Variants in TBC1D13 observed in about 807,000 individuals in gnomAD.
The protein encoded by TBC1D13 is epididymis secretory sperm binding protein.
In TBC1D13, 40 loss-of-function variants were observed where a neutral mutation model predicts 53.6. The observed-to-expected ratio is 0.75, with a 90% CI of 0.58 to 0.97. The LOEUF is 0.97. Among genes scored for constraint, TBC1D13 ranks in the 50% least tolerant of loss-of-function variants. TBC1D13 has a pLI of 0.00. For synonymous variants in TBC1D13, 182 were observed against 197.7 expected, an observed-to-expected ratio of 0.92 and a Z score of 0.67; for missense variants, 377 against 499.4, an observed-to-expected ratio of 0.75 and a Z score of 2.34.
At chr9:128,789,855 C>A in intron 2 of TBC1D13, 1 of 140,666 alleles carries the variant, frequency 7.1e-6, no homozygotes, top group African/African-American at 2.7e-5. Flanking sequence ...AGTCACAGAG[C>A]CATTATTGCT....
chr9:128,807,195 T>C (rs1400840520), intron 11 of TBC1D13, among the ~76,000 whole-genome samples: 2 of 151,692 alleles, frequency 1.3e-5, no homozygotes, highest in East Asian at 4.0e-4. Context: ...CAAGTGATTC[T>C]CCTGCCTTAG....
chr9:128,788,723 T>TGGG (rs3216030), intron 2 of TBC1D13, among the ~76,000 whole-genome samples: 145,320 of 152,104 alleles, frequency 0.96, 69,433 homozygotes, highest in Non-Finnish European at 0.96. Flanking sequence ...GAATGAGAGT[T>TGGG]GGGACCTTTT....
At position 128,790,535 on chromosome 9, in the gene TBC1D13, C is replaced by T. The variant is rs575130704; in HGVS notation, c.98-200C>T. Among the ~76,000 whole-genome samples the T allele has an allele frequency of 9.2e-5, 14 of 152,326 alleles. No homozygotes were observed. The East Asian group carries it at 2.5e-3, about 27-fold the overall frequency. On this transcript the variant is annotated intron_variant, in intron 2 of 11. Transcript: ENST00000372648. ...GCTGCAGTGAGCCGAGATTGCGCCA[C>T]TTCACTCCAGCCTAGGTGTTAGAGG... is the stretch of plus-strand genomic sequence containing the variant.
rs961602023 is a variant in TBC1D13 at position 128,808,062 on chromosome 9, C to T, written c.*183C>T. On this transcript the variant is annotated 3_prime_UTR_variant, in exon 12 of 12. Coordinates refer to ENST00000372648, the MANE Select transcript of TBC1D13 (RefSeq NM_018201.5). The stretch of plus-strand genomic sequence containing the variant: ...TCCTTCTGCCGCCACGCCCAGCTCC[C>T]CACCTGCCCTGCACTCTGCCCTCTT... 9 of 625,840 alleles carry T rather than the reference C, an allele frequency of 1.4e-5. No individual in the cohort carries two copies. The highest frequency in any genetic ancestry group is 1.3e-4 in the African/African-American group (7 of 55,220). 38.8% of individuals were successfully genotyped at this position (625,840 alleles called of 1,614,324 possible). A position where few individuals can be genotyped will look rare whatever the true frequency, so the allele number is the denominator to read the frequency against.
chr9:128,792,278 A>C (rs1165590471), intron 5 of TBC1D13, among the ~76,000 whole-genome samples: 4 of 152,232 alleles, frequency 2.6e-5, no homozygotes, highest in Non-Finnish European at 4.4e-5. Context: ...GCTGGTCCCC[A>C]GGCTGGGCTC....
rs1295543417 is a variant in TBC1D13 at position 128,792,509 on chromosome 9, T to C, written c.318T>C (p.Pro106=). 6 of 1,613,922 alleles carry C rather than the reference T, an allele frequency of 3.7e-6. No individual in the cohort carries two copies. In the African/African-American group the frequency reaches 5.3e-5, roughly 14 times the overall value. Residue 106 remains proline, a synonymous_variant, in exon 6 of 12, where the codon CCT becomes CCC. Transcript: ENST00000372648. Reference sequence around the variant, plus strand: ...CCCCACAGCCACTCAACCCCAACCCTGACAGCCGGTGGAACACGTACTTCA... The same window carrying C: ...CCCCACAGCCACTCAACCCCAACCCCGACAGCCGGTGGAACACGTACTTCA... The part of the protein sequence containing the change: ...TFEDHPLNPN[P]DSRWNTYFKD...
In TBC1D13 at chr9:128,808,006, C is replaced by A; in HGVS notation, c.*127C>A. On this transcript the variant is annotated 3_prime_UTR_variant, in exon 12 of 12. Transcript: ENST00000372648. ...CCACAGGATCGGCCCGAGACCCAGG[C>A]CATGCCCACTGGGGACACACTGTGC... 2 of 845,534 alleles carry A rather than the reference C, an allele frequency of 2.4e-6. No homozygotes were observed. Among genetic ancestry groups the A allele is most frequent in the Non-Finnish European group, 3.9e-6 (2 of 514,298 alleles). 52.4% of individuals were successfully genotyped at this position (845,534 alleles called of 1,614,324 possible).
chr9:128,795,437 CTTTTTTTTTTTTTTTTTTTTT>C lies in TBC1D13; in HGVS notation c.384-1597_384-1577del, dbSNP rs539392878. 1.2e-4 allele frequency among the ~76,000 whole-genome samples: 7 copies of C among 57,824 alleles called. No homozygotes were observed. The East Asian group carries it at 2.3e-3, about 19-fold the overall frequency. The allele number at this position is 57,824 out of a possible 152,430, so 37.9% of individuals were successfully genotyped here. A position where few individuals can be genotyped will look rare whatever the true frequency, so the allele number is the denominator to read the frequency against. ...CCGTGTTAGCTAGGATGGTCACCATCTTTTTTTTTTTTTTTTTTTTTTTTTTTTTTTTTTTTTTTTTGGGAA... is the reference window on the plus strand; with the variant it reads ...CCGTGTTAGCTAGGATGGTCACCATCTTTTTTTTTTTTTTTTTTTTGGGAA... On this transcript the variant is annotated intron_variant, in intron 6 of 11. Coordinates refer to ENST00000372648, the MANE Select transcript of TBC1D13 (RefSeq NM_018201.5).
chr9:128,788,924 G>A (rs1829478694), intron 2 of TBC1D13, among the ~76,000 whole-genome samples: 1 of 152,152 alleles, frequency 6.6e-6, no homozygotes, highest in Non-Finnish European at 1.5e-5. Flanking sequence ...GTTAGACTTT[G>A]CCCCAATGAG....
chr9:128,801,770 T>TC (rs1829739108), intron 7 of TBC1D13, among the ~76,000 whole-genome samples: 1 of 150,588 alleles, frequency 6.6e-6, no homozygotes, highest in African/African-American at 2.5e-5. Context: ...GTTTTTTGTT[T>TC]TTTTTTTTTG....
At position 128,804,023 on chromosome 9, in the gene TBC1D13, C is replaced by G. The variant is rs199566205; in HGVS notation, c.822C>G (p.Ile274Met). 3.1e-6 allele frequency: 5 copies of G among 1,613,950 alleles called. No individual in the cohort carries two copies. The highest frequency in any genetic ancestry group is 4.2e-6 in the Non-Finnish European group (5 of 1,180,044). The change falls in exon 9 of 12, where the codon ATC becomes ATG. Residue 274 changes from isoleucine to methionine, a missense_variant. By Grantham distance (10) the Ile-to-Met change is conservative. Coordinates refer to ENST00000372648, the MANE Select transcript of TBC1D13 (RefSeq NM_018201.5). Reference sequence around the variant, plus strand: ...TGGCCGAGATCCGGGACAACTTTATCAAGAGCCTGGATGACTCGCAGTGTG... The same window carrying G: ...TGGCCGAGATCCGGGACAACTTTATGAAGAGCCTGGATGACTCGCAGTGTG... ...NLMAEIRDNF[I>M]KSLDDSQCGI...
chr9:128,792,497 C>T lies in TBC1D13; in HGVS notation c.306C>T (p.Leu102=), dbSNP rs781319551. The T allele has an allele frequency of 3.1e-6, 5 of 1,614,074 alleles. No individual in the cohort carries two copies. The highest frequency in any genetic ancestry group is 3.4e-6 in the Non-Finnish European group (4 of 1,179,956). Residue 102 remains leucine, a synonymous_variant, in exon 6 of 12, where the codon CTC becomes CTT. Transcript: ENST00000372648. ...ATCTTCATTTCTCCCCACAGCCACTCAACCCCAACCCTGACAGCCGGTGGA... is the reference window on the plus strand; with the variant it reads ...ATCTTCATTTCTCCCCACAGCCACTTAACCCCAACCCTGACAGCCGGTGGA... ...REDVTFEDHP[L]NPNPDSRWNT...
rs143655119 is a variant in TBC1D13, at chr9:128,800,411, T to C, written c.544-2839T>C. Among the ~76,000 whole-genome samples the C allele has an allele frequency of 3.0e-3, 446 of 150,544 alleles. 2 individuals carry two copies. Among genetic ancestry groups the C allele is most frequent in the African/African-American group, 0.01 (412 of 40,636 alleles). On this transcript the variant is annotated intron_variant, in intron 7 of 11. Transcript: ENST00000372648. ...TTTTTGAGACAGTCTCGCTGTTTCT[T>C]CCAGGCTGGAGTGCAGTGGCACAAT... is the stretch of plus-strand genomic sequence containing the variant.
intron 7 of TBC1D13, among the ~76,000 whole-genome samples, chr9:128,797,739 G>A (rs551390700): frequency 3.9e-5 from 6 of 152,284 alleles, no homozygotes; most frequent in Admixed American, 6.5e-5. Context: ...GGAGGCAGAG[G>A]TTGCAGTGAG....
At chr9:128,802,258 A>G (rs12551651) in intron 7 of TBC1D13, among the ~76,000 whole-genome samples, 7,782 of 146,610 alleles carry the variant, frequency 0.053, 470 homozygotes, top group Admixed American at 0.15. Context: ...GGGTTTCTCC[A>G]TGTTGGTCAG....
intron 7 of TBC1D13, among the ~76,000 whole-genome samples, 186 bp downstream of exon 7, chr9:128,797,400 A>T (rs1280770872): frequency 3.7e-4 from 57 of 152,176 alleles, no homozygotes; most frequent in Admixed American, 3.6e-3. Context: ...ACTGTGTCCC[A>T]TCTGGGTGTA....
chr9:128,792,704 G>A (rs1589567115), intron 6 of TBC1D13, 130 bp downstream of exon 6: 1 of 817,394 alleles, frequency 1.2e-6, no homozygotes, highest in Non-Finnish European at 2.0e-6. Context: ...TTGTCCCAGC[G>A]GTTGGGTCCA....
Position 128,797,198 on chromosome 9 carries a change from G to A in TBC1D13, c.527G>A (p.Arg176Gln), listed in dbSNP as rs369205778. 45 of 1,613,906 alleles carry A rather than the reference G, an allele frequency of 2.8e-5. No homozygotes were observed. The highest frequency in any genetic ancestry group is 6.6e-5 in the South Asian group (6 of 91,078). The change falls in exon 7 of 12, where the codon CGG becomes CAG. Residue 176 changes from arginine (R) to glutamine (Q), a missense_variant. Coordinates refer to ENST00000372648, the MANE Select transcript of TBC1D13 (RefSeq NM_018201.5). ...AAATCTCAGACGGTGGCCCGGAACC[G>A]GAGTGGGGTCACAAATGTGAGTGCC... ...TLKSQTVARN[R>Q]SGVTNMSSPH...
At chr9:128,792,623 C>A in intron 6 of TBC1D13, 49 bp downstream of exon 6, 3 of 1,515,462 alleles carry the variant, frequency 2.0e-6, no homozygotes, top group East Asian at 2.3e-5. Context: ...ACTTCTGGGG[C>A]TCTCTGCAGC....
Sources: allele counts gnomAD v4.1 joint callset (sites outside exome capture counted in the v4.1 genomes callset), GRCh38; gene constraint gnomAD v4.1.1; transcripts MANE v1.5; gene names NCBI Gene and HGNC (gene_info 2026-07-23, HGNC 2026-07-21).